Variants in PTP4A3 observed in about 807,000 individuals in gnomAD.
The protein encoded by PTP4A3 is protein tyrosine phosphatase 4A3.
PTP4A3 carries 9 observed loss-of-function variants against 15.2 expected under a neutral mutation model. The observed-to-expected ratio is 0.59, with a 90% CI of 0.36 to 1.03. The LOEUF is 1.03. PTP4A3 is among the 50% of genes least tolerant of loss of function. The pLI, the probability that PTP4A3 is intolerant of heterozygous loss-of-function variation, is 0.02. For synonymous variants in PTP4A3, 95 were observed against 102.0 expected, an observed-to-expected ratio of 0.93 and a Z score of 0.41; for missense variants, 234 against 252.1, an observed-to-expected ratio of 0.93 and a Z score of 0.49.
chr8:141,425,196 C>CCCCCGGGGGGGGGGGGGGGGGG lies in PTP4A3; in HGVS notation c.198+56_198+57insCCCCGGGGGGGGGGGGGGGGGG. 1 of 361,474 alleles carries CCCCCGGGGGGGGGGGGGGGGGG rather than the reference C, an allele frequency of 2.8e-6. No homozygotes were observed. The allele number at this position is 361,474 out of a possible 1,614,324, so 22.4% of individuals were successfully genotyped here. A position where few individuals can be genotyped will look rare whatever the true frequency, so the allele number is the denominator to read the frequency against. ...CTGCTGCCACCGGGGGAGGGTGGGGCGGGGGGCTCCGGGCCTGCGCAGAGG... is the reference window on the plus strand; with the variant it reads ...CTGCTGCCACCGGGGGAGGGTGGGGCCCCCGGGGGGGGGGGGGGGGGGGGGGGGCTCCGGGCCTGCGCAGAGG... On this transcript the variant is annotated intron_variant, in intron 3 of 5. Transcript: ENST00000521578. This position sits in a 1 kb window ranked among gnomAD's most constrained non-coding sequence, Gnocchi z 4.2.
At chr8:141,392,781 A>G (rs781357417) in intron 1 of PTP4A3, among the ~76,000 whole-genome samples, 76 of 152,306 alleles carry the variant, frequency 5.0e-4, no homozygotes, top group Non-Finnish European at 8.2e-4. Context: ...TGGGCAGAGC[A>G]GTTTCACCCT....
chr8:141,409,429 G>A (rs923607162), intron 1 of PTP4A3, among the ~76,000 whole-genome samples: 1 of 152,206 alleles, frequency 6.6e-6, no homozygotes, highest in Non-Finnish European at 1.5e-5. Flanking sequence ...CTGTGGACCC[G>A]GCACCCAGTC....
In PTP4A3 at chr8:141,427,818, T is replaced by A; in HGVS notation, c.398T>A (p.Ile133Asn). 1 of 1,550,112 alleles carries A rather than the reference T, an allele frequency of 6.5e-7. No individual in the cohort carries two copies. Among genetic ancestry groups the A allele is most frequent in the Non-Finnish European group, 8.7e-7 (1 of 1,146,652 alleles). Residue 133 changes from isoleucine to asparagine, a missense_variant, in exon 5 of 6, where the codon ATC becomes AAC. Transcript: ENST00000521578. ...GMKYEDAIQFIRQKRRGAINS... is the reference protein window; with the variant it reads ...GMKYEDAIQFNRQKRRGAINS... ...AAGTACGAGGACGCCATCCAGTTCA[T>A]CCGCCAGTGAGTGGCCGCGGTGGTG...
At chr8:141,400,812 G>A (rs1390235518) in intron 1 of PTP4A3, among the ~76,000 whole-genome samples, 1 of 152,206 alleles carries the variant, frequency 6.6e-6, no homozygotes, top group African/African-American at 2.4e-5. Flanking sequence ...AGGCAGAGAG[G>A]GGCGGTCCTG....
chr8:141,425,199 G>GGGGGGGGGGGGGGGGGGC lies in PTP4A3; in HGVS notation c.198+62_198+63insGGGGGGGGGGGGGGCGGG. The GGGGGGGGGGGGGGGGGGC allele has an allele frequency of 2.4e-6, 2 of 844,218 alleles. No homozygotes were observed. The highest frequency in any genetic ancestry group is 2.0e-6 in the Non-Finnish European group (1 of 504,296). 52.3% of individuals were successfully genotyped at this position (844,218 alleles called of 1,614,324 possible). ...CTGCCACCGGGGGAGGGTGGGGCGGGGGGCTCCGGGCCTGCGCAGAGGGTT... is the reference window on the plus strand; with the variant it reads ...CTGCCACCGGGGGAGGGTGGGGCGGGGGGGGGGGGGGGGGGGGCGGGCTCCGGGCCTGCGCAGAGGGTT... On this transcript the variant is annotated intron_variant, in intron 3 of 5. Transcript: ENST00000521578. This position sits in a 1 kb window ranked among gnomAD's most constrained non-coding sequence, Gnocchi z 4.2.
chr8:141,397,142 G>T (rs560778862), intron 1 of PTP4A3, among the ~76,000 whole-genome samples: 2 of 152,322 alleles, frequency 1.3e-5, no homozygotes, highest in African/African-American at 4.8e-5. Context: ...TCCTGGAGCC[G>T]GAGTGAGAGC....
chr8:141,404,133 A>C (rs1011452282), intron 1 of PTP4A3, among the ~76,000 whole-genome samples: 1 of 152,272 alleles, frequency 6.6e-6, no homozygotes, highest in Non-Finnish European at 1.5e-5. Flanking sequence ...GAGCCGGAGG[A>C]CAGGGAGAAA....
intron 1 of PTP4A3, among the ~76,000 whole-genome samples, chr8:141,414,771 A>C (rs1235059787): frequency 6.6e-6 from 1 of 151,940 alleles, no homozygotes; most frequent in Admixed American, 6.5e-5. Context: ...TCTCTGCCCC[A>C]GGAGGTAGAG....
intron 5 of PTP4A3, among the ~76,000 whole-genome samples, chr8:141,430,104 A>G (rs1274031397): frequency 1.4e-5 from 2 of 142,876 alleles, no homozygotes; most frequent in African/African-American, 5.5e-5. Context: ...GGTGGCGGGG[A>G]CAGGGTGAGC....
At chr8:141,402,546 G>A (rs553010878) in intron 1 of PTP4A3, among the ~76,000 whole-genome samples, 14 of 152,292 alleles carry the variant, frequency 9.2e-5, no homozygotes, top group African/African-American at 3.4e-4. Context: ...GGGGCCTTGC[G>A]CCCTGTGTTC....
Position 141,427,786 on chromosome 8 carries a change from C to G in PTP4A3, c.366C>G (p.Ser122Arg). The G allele has an allele frequency of 6.4e-7, 1 of 1,551,876 alleles. No individual in the cohort carries two copies. Among genetic ancestry groups the G allele is most frequent in the Non-Finnish European group, 8.7e-7 (1 of 1,147,654 alleles). ...TTGTGGCGCTGGCCCTTATTGAGAG[C>G]GGGATGAAGTACGAGGACGCCATCC... Reference protein sequence around the residue: ...PVLVALALIESGMKYEDAIQF... With the variant: ...PVLVALALIERGMKYEDAIQF... Residue 122 changes from serine to arginine, a missense_variant, in exon 5 of 6, where the codon AGC becomes AGG. By Grantham distance (110) the Ser-to-Arg change is moderately radical. Coordinates refer to ENST00000521578, the MANE Select transcript of PTP4A3 (RefSeq NM_032611.3).
intron 5 of PTP4A3, among the ~76,000 whole-genome samples, chr8:141,428,112 C>T (rs909275648): frequency 5.9e-5 from 9 of 152,184 alleles, no homozygotes; most frequent in Middle Eastern, 3.4e-3. Context: ...GCCATCCTGA[C>T]GGGGGTGGAA....
In PTP4A3 at chr8:141,432,263, G is replaced by A. The variant is rs911324618; in HGVS notation, c.*1219G>A. The A allele has an allele frequency of 1.3e-5, 2 of 152,166 alleles. No individual in the cohort carries two copies. The highest frequency in any genetic ancestry group is 2.9e-5 in the Non-Finnish European group (2 of 68,048). 9.4% of individuals were successfully genotyped at this position (152,166 alleles called of 1,614,324 possible). A position where few individuals can be genotyped will look rare whatever the true frequency, so the allele number is the denominator to read the frequency against. ...TGGAGGAGGTCAGTGGACAAGATGG[G>A]GAGATGTGGAAACCCCAAAAGCCCC... On this transcript the variant is annotated 3_prime_UTR_variant, in exon 6 of 6. Coordinates refer to ENST00000521578, the MANE Select transcript of PTP4A3 (RefSeq NM_032611.3).
intron 2 of PTP4A3, 54 bp from the exon 3 acceptor site, chr8:141,424,994 C>G: frequency 6.7e-7 from 1 of 1,485,310 alleles, no homozygotes; most frequent in Non-Finnish European, 9.3e-7. Flanking sequence ...GGTCCTGCCC[C>G]CTGAGCCCTG....
Position 141,431,163 on chromosome 8 carries a change from C to T in PTP4A3, c.*119C>T, listed in dbSNP as rs1833857504. 1 of 960,440 alleles carries T rather than the reference C, an allele frequency of 1.0e-6. No individual in the cohort carries two copies. Among genetic ancestry groups the T allele is most frequent in the Admixed American group, 2.2e-5 (1 of 44,926 alleles). The allele number at this position is 960,440 out of a possible 1,614,324, so 59.5% of individuals were successfully genotyped here. On this transcript the variant is annotated 3_prime_UTR_variant, in exon 6 of 6. Transcript: ENST00000521578. ...GGGCTCCAGGCCTTGGCTGGCCCCA[C>T]ATCGCCTTTTCCTCCCCGACACCTC...
intron 1 of PTP4A3, among the ~76,000 whole-genome samples, chr8:141,411,729 A>G (rs779851253): frequency 2.0e-4 from 31 of 152,058 alleles, no homozygotes; most frequent in Non-Finnish European, 3.7e-4. Context: ...TAGCTCCATG[A>G]TCTCGATCCC....
chr8:141,395,235 G>A (rs1362368823), intron 1 of PTP4A3, among the ~76,000 whole-genome samples: 1 of 152,214 alleles, frequency 6.6e-6, no homozygotes, highest in Admixed American at 6.5e-5. Flanking sequence ...TCCTTGGGGC[G>A]CCTCAGGTCA....
At chr8:141,410,255 G>C (rs368824820) in intron 1 of PTP4A3, among the ~76,000 whole-genome samples, 1 of 152,264 alleles carries the variant, frequency 6.6e-6, no homozygotes, top group African/African-American at 2.4e-5. Context: ...CAGCCAGACT[G>C]GGGGAGTGGG....
chr8:141,393,328 TG>T (rs1278246143), intron 1 of PTP4A3, among the ~76,000 whole-genome samples: 1 of 152,064 alleles, frequency 6.6e-6, no homozygotes, highest in African/African-American at 2.4e-5. Flanking sequence ...GTCACCTGAG[TG>T]GAATTAGGCA....
Sources: allele counts gnomAD v4.1 joint callset (sites outside exome capture counted in the v4.1 genomes callset), GRCh38; gene constraint gnomAD v4.1.1; non-coding constraint Gnocchi (gnomAD v3.1); transcripts MANE v1.5; gene names NCBI Gene and HGNC (gene_info 2026-07-23, HGNC 2026-07-21).